RNF217: variants seen among roughly 807,000 people sequenced by gnomAD.
RNF217 encodes ring finger protein 217.
In RNF217, 31 loss-of-function variants were observed where a neutral mutation model predicts 57.8. The observed-to-expected ratio is 0.54, with a 90% CI of 0.40 to 0.72. RNF217 has a LOEUF of 0.72. Ranked by LOEUF, RNF217 falls within the 30% of genes least tolerant of loss-of-function variation. The pLI, the probability that RNF217 is intolerant of heterozygous loss-of-function variation, is 0.00. For missense variants in RNF217, 696 were observed against 708.3 expected, an observed-to-expected ratio of 0.98 and a Z score of 0.20; for synonymous variants, 313 against 294.0, an observed-to-expected ratio of 1.06 and a Z score of -0.66.
chr6:124,971,321 G>C (rs1582652319), intron 1 of RNF217: 1 of 158,948 alleles, frequency 6.3e-6, no homozygotes, highest in East Asian at 1.9e-4. Context: ...CATGTTTTGA[G>C]GAAGCGAAAG....
intron 1 of RNF217, among the ~76,000 whole-genome samples, chr6:125,001,240 G>A (rs540095824): frequency 3.9e-4 from 60 of 152,134 alleles, no homozygotes; most frequent in Non-Finnish European, 5.1e-4. Flanking sequence ...GAAATTCTAT[G>A]TAAGTTTTCT....
rs1337333140 is a variant in RNF217, at chr6:124,963,336, G to T, written c.792G>T (p.Arg264=). ...PYVPLMVLMC[R]VCLEDKPIKP... is the part of the protein sequence containing the mutation. ...TGCCCCTCATGGTGCTGATGTGCCGGGTGTGCCTGGAAGACAAGCCCATCA... is the reference window on the plus strand; with the variant it reads ...TGCCCCTCATGGTGCTGATGTGCCGTGTGTGCCTGGAAGACAAGCCCATCA... Residue 264 remains arginine (R), a synonymous_variant, in exon 1 of 6, where the codon CGG becomes CGT. Transcript: ENST00000521654. 1 of 1,534,530 alleles carries T rather than the reference G, an allele frequency of 6.5e-7. No homozygotes were observed. The highest frequency in any genetic ancestry group is 1.2e-5 in the South Asian group (1 of 83,862).
At chr6:125,033,723 C>T (rs1400951195) in intron 1 of RNF217, among the ~76,000 whole-genome samples, 1 of 151,876 alleles carries the variant, frequency 6.6e-6, no homozygotes, top group Non-Finnish European at 1.5e-5. Flanking sequence ...AATGGGATGG[C>T]TGGGTCAAAT....
At chr6:125,028,306 T>C (rs960757002) in intron 1 of RNF217, among the ~76,000 whole-genome samples, 1 of 152,188 alleles carries the variant, frequency 6.6e-6, no homozygotes. Context: ...CACACAAAGA[T>C]AATTTGAGGA....
chr6:124,968,700 C>T (rs1163030767), intron 1 of RNF217, among the ~76,000 whole-genome samples: 1 of 152,186 alleles, frequency 6.6e-6, no homozygotes, highest in Admixed American at 6.5e-5. Context: ...AAGGCATCAG[C>T]TGATACCTTT....
intron 1 of RNF217, among the ~76,000 whole-genome samples, chr6:124,976,534 C>T (rs558240934): frequency 6.6e-6 from 1 of 152,140 alleles, no homozygotes; most frequent in African/African-American, 2.4e-5. Context: ...TCCCAAAGTG[C>T]TGGGATTATA....
At chr6:125,063,390 T>C (rs1232145283) in intron 3 of RNF217, among the ~76,000 whole-genome samples, 2 of 152,216 alleles carry the variant, frequency 1.3e-5, no homozygotes, top group Non-Finnish European at 2.9e-5. Flanking sequence ...AAGTTACTTT[T>C]ATGTTTTTAA....
rs560020398 is a variant in RNF217 at position 124,987,962 on chromosome 6, T to A, written c.882+24536T>A. 1.4e-3 allele frequency among the ~76,000 whole-genome samples: 220 copies of A among 152,248 alleles called. 1 individual carries two copies. The highest frequency in any genetic ancestry group is 2.0e-3 in the Non-Finnish European group (135 of 68,018). ...AAAGCTAATTTCCAAAGCCGTTAGA[T>A]TAAGTGTCCCCAATCCAGGGATCAA... is the stretch of plus-strand genomic sequence containing the variant. On this transcript the variant is annotated intron_variant, in intron 1 of 5. Transcript: ENST00000521654.
In RNF217 at chr6:125,092,510, T is replaced by C. The variant is rs1562506839; in HGVS notation, c.*9573T>C. Reference sequence around the variant, plus strand: ...GAAAACTATAACGGTTTTCAAACTATTTTGATGGTCATTGTACGAGCTATT... The same window carrying C: ...GAAAACTATAACGGTTTTCAAACTACTTTGATGGTCATTGTACGAGCTATT... On this transcript the variant is annotated 3_prime_UTR_variant, in exon 6 of 6. Coordinates refer to ENST00000521654, the MANE Select transcript of RNF217 (RefSeq NM_001286398.3). 1 of 152,204 alleles carries C rather than the reference T, an allele frequency of 6.6e-6. No homozygotes were observed. The highest frequency in any genetic ancestry group is 1.5e-5 in the Non-Finnish European group (1 of 68,040). The allele number at this position is 152,204 out of a possible 1,614,324, so 9.4% of individuals were successfully genotyped here. A position where few individuals can be genotyped will look rare whatever the true frequency, so the allele number is the denominator to read the frequency against.
At chr6:125,011,438 G>A (rs1005353152) in intron 1 of RNF217, among the ~76,000 whole-genome samples, 5 of 152,194 alleles carry the variant, frequency 3.3e-5, no homozygotes, top group Admixed American at 1.3e-4. Context: ...CCAGATACGT[G>A]TTCAATTGGG....
At chr6:124,971,332 GC>G (rs1281474939) in intron 1 of RNF217, 1 of 159,666 alleles carries the variant, frequency 6.3e-6, no homozygotes, top group African/African-American at 2.4e-5. Context: ...GAAGCGAAAG[GC>G]TGCCACTCAA....
intron 1 of RNF217, among the ~76,000 whole-genome samples, chr6:124,976,228 G>T (rs1233901926): frequency 2.0e-5 from 3 of 151,566 alleles, no homozygotes; most frequent in African/African-American, 7.3e-5. Context: ...ATGTATTACC[G>T]GCGTAGTTTC....
At chr6:125,045,474 G>C in intron 2 of RNF217, 30 bp downstream of exon 2, 4 of 1,552,182 alleles carry the variant, frequency 2.6e-6, no homozygotes, top group Non-Finnish European at 3.5e-6. Context: ...CTGTGGGTTA[G>C]ATGTCACATG....
At chr6:125,030,927 C>T (rs1786329324) in intron 1 of RNF217, among the ~76,000 whole-genome samples, 1 of 152,236 alleles carries the variant, frequency 6.6e-6, no homozygotes, top group Non-Finnish European at 1.5e-5. Context: ...GAGGGCCCTG[C>T]CCCTGCAGCA....
At chr6:125,044,017 G>A (rs942233683) in intron 1 of RNF217, among the ~76,000 whole-genome samples, 2 of 151,614 alleles carry the variant, frequency 1.3e-5, no homozygotes, top group African/African-American at 4.8e-5. Flanking sequence ...CCTCAAGTTT[G>A]TGCCAGATAA....
intron 3 of RNF217, among the ~76,000 whole-genome samples, chr6:125,066,286 A>G (rs1031346648): frequency 1.1e-4 from 17 of 152,176 alleles, no homozygotes; most frequent in African/African-American, 3.4e-4. Flanking sequence ...CACTCTGCTC[A>G]AAATTGTCTG....
chr6:125,020,703 T>C (rs1785802512), intron 1 of RNF217, among the ~76,000 whole-genome samples: 1 of 152,212 alleles, frequency 6.6e-6, no homozygotes, highest in Non-Finnish European at 1.5e-5. Flanking sequence ...TTACCTCACA[T>C]AGAATATTAT....
At chr6:125,031,214 C>T (rs1473572253) in intron 1 of RNF217, among the ~76,000 whole-genome samples, 2 of 152,212 alleles carry the variant, frequency 1.3e-5, no homozygotes, top group South Asian at 2.1e-4. Flanking sequence ...TTTCCTCCAG[C>T]GCCTCCAGGC....
At chr6:125,006,059 CTG>C (rs1177240719) in intron 1 of RNF217, 1 of 152,184 alleles carries the variant, frequency 6.6e-6, no homozygotes, top group Non-Finnish European at 1.5e-5. Flanking sequence ...CTTTCAAAGT[CTG>C]TACTGTTTCC....
Sources: allele counts gnomAD v4.1 joint callset (sites outside exome capture counted in the v4.1 genomes callset), GRCh38; gene constraint gnomAD v4.1.1; transcripts MANE v1.5; gene names NCBI Gene and HGNC (gene_info 2026-07-23, HGNC 2026-07-21).